Variants in RACK1 observed in about 807,000 individuals in gnomAD.
RACK1 encodes the protein small ribosomal subunit protein RACK1.
In RACK1, 3 loss-of-function variants were observed where a neutral mutation model predicts 42.2. That is an observed-to-expected ratio of 0.07 (90% CI 0.03 to 0.18). The LOEUF (loss-of-function observed/expected upper bound fraction) is 0.18. Ranked by LOEUF, RACK1 falls within the 10% of genes least tolerant of loss-of-function variation. RACK1 has a pLI of 1.00. For synonymous variants in RACK1, 181 were observed against 154.8 expected (o/e 1.17, Z -1.25); for missense variants, 146 against 403.2 (o/e 0.36, Z 5.46).
At chr5:181,237,085 T>G in intron 7 of RACK1, 43 bp from the exon 8 acceptor site, 1 of 1,610,774 alleles carries the variant, frequency 6.2e-7, no homozygotes, top group Non-Finnish European at 8.5e-7. Flanking sequence ...CTGGCATAAA[T>G]TCTGCAGTCT....
At chr5:181,243,663 C>G in intron 1 of RACK1, 29 bp downstream of exon 1, 1 of 1,565,846 alleles carries the variant, frequency 6.4e-7, no homozygotes, top group South Asian at 1.2e-5. Context: ...CCTGCAATCT[C>G]GGGTCCTGAA....
chr5:181,236,934 A>G lies in RACK1; in HGVS notation c.*43T>C. On this transcript the variant is annotated 3_prime_UTR_variant, in exon 8 of 8. Transcript: ENST00000512805. ...AAGAAAAAAAAACCTAAAAGTCAGA[A>G]AAGCCAGTTTTTTTTTTATTTGTAA... 2 of 1,556,376 alleles carry G rather than the reference A, an allele frequency of 1.3e-6. No homozygotes were observed. The highest frequency in any genetic ancestry group is 1.7e-6 in the Non-Finnish European group (2 of 1,161,064).
intron 5 of RACK1, chr5:181,238,598 A>G (rs966339214): frequency 1.2e-5 from 4 of 341,150 alleles, no homozygotes; most frequent in Non-Finnish European, 2.3e-5. Context: ...TGAGGTCAGG[A>G]GTTCAAGACC....
intron 4 of RACK1, 136 bp from the exon 5 acceptor site, chr5:181,239,313 T>G: frequency 1.3e-6 from 1 of 766,074 alleles, no homozygotes; most frequent in Admixed American, 1.9e-5. Flanking sequence ...CACTTCACGT[T>G]AGATTATAAC....
rs867462850 is a variant in RACK1, at chr5:181,239,455, T to C, written c.525+32A>G. ...TGACCACCTGGGAGCACACCCTGAC[T>C]GGTAAAGCCCCTGCCTTGGCTTGAC... is the stretch of plus-strand genomic sequence containing the variant. On this transcript the variant is annotated intron_variant, in intron 4 of 7. Transcript: ENST00000512805. 15 of 1,502,866 alleles carry C rather than the reference T, an allele frequency of 1.0e-5. No homozygotes were observed. The African/African-American group carries it at 1.4e-4, about 14-fold the overall frequency. The allele number at this position is 1,502,866 out of a possible 1,614,324, so 93.1% of individuals were successfully genotyped here.
At position 181,243,829 on chromosome 5, in the gene RACK1, G is replaced by C. The variant is rs1759449387; in HGVS notation, c.-29C>G. 6.3e-7 allele frequency: 1 copy of C among 1,581,834 alleles called. No homozygotes were observed. The highest frequency in any genetic ancestry group is 2.3e-5 in the East Asian group (1 of 43,320). On this transcript the variant is annotated 5_prime_UTR_variant, in exon 1 of 8. Transcript: ENST00000512805. ...GGCGGCGAGAGCGTGTGTCGCTGCA[G>C]CGACGAGGATGGCACTGGATGGCTT...
At chr5:181,238,786 G>T in intron 5 of RACK1, 1 of 404,058 alleles carries the variant, frequency 2.5e-6, no homozygotes, top group Non-Finnish European at 4.7e-6. Flanking sequence ...GCAGCCGAGT[G>T]AGACTCCGTC....
intron 4 of RACK1, 45 bp downstream of exon 4, chr5:181,239,442 A>G (rs1348261216): frequency 7.3e-7 from 1 of 1,379,126 alleles, no homozygotes; most frequent in Non-Finnish European, 1.0e-6. Context: ...ACCACCTGGG[A>G]GCACACCCTG....
intron 1 of RACK1, 121 bp downstream of exon 1, chr5:181,243,567 AGTCT>A: frequency 1.4e-6 from 2 of 1,407,818 alleles, no homozygotes; most frequent in Non-Finnish European, 1.9e-6. Context: ...GGGGCAGAGA[AGTCT>A]GTCAGTCCCC....
At chr5:181,241,283 G>A (rs980763655) in intron 3 of RACK1, 5 of 510,216 alleles carry the variant, frequency 9.8e-6, no homozygotes, top group Non-Finnish European at 1.8e-5. Context: ...CAAAAAATTA[G>A]CTAGGCGTGG....
In RACK1 at chr5:181,239,021, A is replaced by C. The variant is rs1443762685; in HGVS notation, c.636+46T>G. 8 of 1,254,252 alleles carry C rather than the reference A, an allele frequency of 6.4e-6. No homozygotes were observed. The African/African-American group carries it at 1.0e-4, about 16-fold the overall frequency. The allele number at this position is 1,254,252 out of a possible 1,614,324, so 77.7% of individuals were successfully genotyped here. A position where few individuals can be genotyped will look rare whatever the true frequency, so the allele number is the denominator to read the frequency against. On this transcript the variant is annotated intron_variant, in intron 5 of 7. Transcript: ENST00000512805. ...GAGACGCTGGCTAAGTGCTCCTTCCATGACGCTGTCTTCCACTGAGTAGGA... is the reference window on the plus strand; with the variant it reads ...GAGACGCTGGCTAAGTGCTCCTTCCCTGACGCTGTCTTCCACTGAGTAGGA...
In RACK1 at chr5:181,241,445, C is replaced by CAAAAAAAAAAAAAAAAAAAAAAAA. The variant is rs747923720; in HGVS notation, c.429+46_429+47insTTTTTTTTTTTTTTTTTTTTTTTT. On this transcript the variant is annotated intron_variant, in intron 3 of 7. Transcript: ENST00000512805. ...TGTCGCCAAAAAAAAAAAAAAAAAG[C>CAAAAAAAAAAAAAAAAAAAAAAAA]AAAGTTTAAGAGGGTGGAAGAGATC... 2.5e-6 allele frequency: 3 copies of CAAAAAAAAAAAAAAAAAAAAAAAA among 1,209,748 alleles called. No individual in the cohort carries two copies. In the African/African-American group the frequency reaches 7.5e-5, roughly 30 times the overall value. 74.9% of individuals were successfully genotyped at this position (1,209,748 alleles called of 1,614,324 possible). A position where few individuals can be genotyped will look rare whatever the true frequency, so the allele number is the denominator to read the frequency against.
intron 1 of RACK1, chr5:181,242,902 C>T (rs961178557): frequency 3.0e-5 from 10 of 331,108 alleles, no homozygotes; most frequent in Non-Finnish European, 2.9e-5. Flanking sequence ...TACAGACACC[C>T]TTTCCTGAAA....
Position 181,243,874 on chromosome 5 carries a change from C to G in RACK1, c.-74G>C, listed in dbSNP as rs11540179. ...TGGCTTAGAGAAACTAGCACCACAA[C>G]CTCTCCTGCCGCCGCCTTGCAGTGA... is the stretch of plus-strand genomic sequence containing the variant. On this transcript the variant is annotated 5_prime_UTR_variant, in exon 1 of 8. Coordinates refer to ENST00000512805, the MANE Select transcript of RACK1 (RefSeq NM_006098.5). 92 of 1,502,744 alleles carry G rather than the reference C, an allele frequency of 6.1e-5. No homozygotes were observed. In the Admixed American group the frequency reaches 6.9e-4, roughly 11 times the overall value. 93.1% of individuals were successfully genotyped at this position (1,502,744 alleles called of 1,614,324 possible). A position where few individuals can be genotyped will look rare whatever the true frequency, so the allele number is the denominator to read the frequency against.
intron 5 of RACK1, 107 bp from the exon 6 acceptor site, chr5:181,238,346 C>T: frequency 8.4e-7 from 1 of 1,187,052 alleles, no homozygotes; most frequent in Non-Finnish European, 1.2e-6. Flanking sequence ...TCCATTACCC[C>T]AGGCTTCTTT....
intron 2 of RACK1, chr5:181,241,969 A>T (rs1273474945): frequency 6.5e-6 from 5 of 773,440 alleles, no homozygotes; most frequent in Non-Finnish European, 1.2e-5. Flanking sequence ...GAACTTTTGC[A>T]CCTGGCAAAA....
rs764512172 is a variant in RACK1, at chr5:181,243,821, T to A, written c.-21A>T. 6.3e-7 allele frequency: 1 copy of A among 1,589,076 alleles called. No individual in the cohort carries two copies. The highest frequency in any genetic ancestry group is 1.1e-5 in the South Asian group (1 of 87,654). ...GTCATGGCGGCGGCGAGAGCGTGTG[T>A]CGCTGCAGCGACGAGGATGGCACTG... On this transcript the variant is annotated 5_prime_UTR_variant, in exon 1 of 8. Transcript: ENST00000512805.
chr5:181,238,546 T>G (rs1324146141), intron 5 of RACK1: 1 of 357,674 alleles, frequency 2.8e-6, no homozygotes, highest in Non-Finnish European at 5.3e-6. Context: ...GGCTCATGCC[T>G]GTAATCCCAG....
chr5:181,241,665 C>G (rs1421885597), intron 2 of RACK1, 26 bp from the exon 3 acceptor site: 1 of 1,612,498 alleles, frequency 6.2e-7, no homozygotes, highest in Non-Finnish European at 8.5e-7. Flanking sequence ...TTGTCATTCT[C>G]AGACTTAGCA....
Sources: allele counts gnomAD v4.1 joint callset, GRCh38; gene constraint gnomAD v4.1.1; transcripts MANE v1.5; gene names NCBI Gene and HGNC (gene_info 2026-07-23, HGNC 2026-07-21).